The following CAPN8 variants were observed in gnomAD, a reference collection of about 807,000 sequenced individuals.
CAPN8 encodes calpain 8, also known as calpain-8.
In CAPN8, 87 loss-of-function variants were observed where a neutral mutation model predicts 80.9. That is an observed-to-expected ratio of 1.07 (90% CI 0.90 to 1.28). CAPN8 has a LOEUF of 1.28. CAPN8 is among the 50% of genes most tolerant of loss of function. The pLI is 0.00. For missense variants in CAPN8, 757 were observed against 702.0 expected (o/e 1.08, Z -0.89); for synonymous variants, 299 against 273.8 (o/e 1.09, Z -0.91).
chr1:223,623,604 G>A (rs1657468806), intron 6 of CAPN8, among the ~76,000 whole-genome samples: 1 of 152,104 alleles, frequency 6.6e-6, no homozygotes, highest in Non-Finnish European at 1.5e-5. Flanking sequence ...AGGCTGTTAG[G>A]TCCTCATTGT....
At chr1:223,612,146 C>A in intron 11 of CAPN8, 100 bp downstream of exon 11, 2 of 1,043,844 alleles carry the variant, frequency 1.9e-6, no homozygotes, top group Non-Finnish European at 2.5e-6. Context: ...GTGGAACAAC[C>A]AGCTTCTACC....
chr1:223,618,143 G>A, intron 9 of CAPN8: 1 of 1,341,440 alleles, frequency 7.5e-7, no homozygotes, highest in Non-Finnish European at 1.0e-6. Flanking sequence ...CAGCAAACCA[G>A]GCAGGGAACA....
intron 11 of CAPN8, among the ~76,000 whole-genome samples, chr1:223,610,243 T>C (rs1223435535): frequency 6.6e-6 from 1 of 152,190 alleles, no homozygotes; most frequent in East Asian, 1.9e-4. Flanking sequence ...GAGTGGACAG[T>C]GTTCATTCTT....
intron 2 of CAPN8, among the ~76,000 whole-genome samples, chr1:223,634,206 G>A (rs994802063): frequency 2.0e-5 from 3 of 152,136 alleles, no homozygotes; most frequent in Non-Finnish European, 4.4e-5. Flanking sequence ...CTATTGCAGA[G>A]GTTGTGGGGT....
chr1:223,646,977 C>T lies in CAPN8; in HGVS notation c.307+7353G>A, dbSNP rs12031214. ...CCAAACCTCAGGCAGCTCAGCCAAG[C>T]GGGAGCTCAGAGAGCACCCCCTGGC... On this transcript the variant is annotated intron_variant, in intron 2 of 20. Transcript: ENST00000366872. Among the ~76,000 whole-genome samples, 1,047 of 152,276 alleles carry T rather than the reference C, an allele frequency of 6.9e-3. 45 individuals are homozygous for T. The East Asian group carries it at 0.1, about 15-fold the overall frequency.
intron 16 of CAPN8, 117 bp from the exon 17 acceptor site, chr1:223,545,416 G>A (rs1656594765): frequency 1.4e-6 from 2 of 1,472,000 alleles, no homozygotes; most frequent in African/African-American, 1.4e-5. Flanking sequence ...CATGTCTGTG[G>A]CAAGCAGAGC....
In CAPN8 at chr1:223,541,823, C is replaced by T; in HGVS notation, c.*13G>A. 1 of 1,551,400 alleles carries T rather than the reference C, an allele frequency of 6.4e-7. No individual in the cohort carries two copies. Among genetic ancestry groups the T allele is most frequent in the Non-Finnish European group, 8.7e-7 (1 of 1,146,884 alleles). Reference sequence around the variant, plus strand: ...GTGGGGCAGGGAGTGTCACTGATGTCCGAAACCCCGGGTCAGACCAACACG... The same window carrying T: ...GTGGGGCAGGGAGTGTCACTGATGTTCGAAACCCCGGGTCAGACCAACACG... On this transcript the variant is annotated 3_prime_UTR_variant, in exon 21 of 21. Coordinates refer to ENST00000366872, the MANE Select transcript of CAPN8 (RefSeq NM_001143962.2).
At chr1:223,543,911 C>A (rs1425872978) in intron 19 of CAPN8, among the ~76,000 whole-genome samples, 156 bp downstream of exon 19, 3 of 152,236 alleles carry the variant, frequency 2.0e-5, no homozygotes, top group Admixed American at 6.5e-5. Flanking sequence ...AGCTGCCCCT[C>A]GCCCCCAAGG....
Position 223,665,392 on chromosome 1 carries a change from G to T in CAPN8, c.237+18C>A. Reference sequence around the variant, plus strand: ...CCTCCACCTTGTATGTCACTCAACAGCAAGCCCGCTTCCTTACCGTGGGCC... The same window carrying T: ...CCTCCACCTTGTATGTCACTCAACATCAAGCCCGCTTCCTTACCGTGGGCC... On this transcript the variant is annotated intron_variant, in intron 1 of 20. Transcript: ENST00000366872. 1 of 1,544,998 alleles carries T rather than the reference G, an allele frequency of 6.5e-7. No homozygotes were observed. Among genetic ancestry groups the T allele is most frequent in the Non-Finnish European group, 8.8e-7 (1 of 1,141,116 alleles).
chr1:223,553,852 A>G lies in CAPN8; in HGVS notation c.1621T>C (p.Phe541Leu). The G allele has an allele frequency of 2.5e-6, 1 of 398,720 alleles. No individual in the cohort carries two copies. Among genetic ancestry groups the G allele is most frequent in the Non-Finnish European group, 4.4e-6 (1 of 226,136 alleles). 24.7% of individuals were successfully genotyped at this position (398,720 alleles called of 1,614,324 possible). A position where few individuals can be genotyped will look rare whatever the true frequency, so the allele number is the denominator to read the frequency against. ...DQEDDQFRRL[F>L]EKLAGKDSEI... ...CTCACCTTCCCTGCCAACTTCTCAA[A>G]CAGCCTCCTGAACTGGTCATCTTCC... The change falls in exon 14 of 21, where the codon TTT (phenylalanine) becomes CTT (leucine). Residue 541 changes from phenylalanine (F) to leucine (L), a missense_variant. Transcript: ENST00000366872.
intron 15 of CAPN8, among the ~76,000 whole-genome samples, chr1:223,550,334 T>A (rs1284978751): frequency 1.3e-5 from 2 of 152,132 alleles, no homozygotes; most frequent in Non-Finnish European, 2.9e-5. Context: ...TCAAGCCCTG[T>A]CCTGCTGCAG....
At chr1:223,640,263 C>A (rs1048715126) in intron 2 of CAPN8, among the ~76,000 whole-genome samples, 2 of 152,160 alleles carry the variant, frequency 1.3e-5, no homozygotes, top group African/African-American at 2.4e-5. Flanking sequence ...TTAGGGCCTG[C>A]CACATAGAAA....
intron 2 of CAPN8, among the ~76,000 whole-genome samples, chr1:223,640,605 T>G (rs1403942062): frequency 6.6e-6 from 1 of 152,200 alleles, no homozygotes; most frequent in Admixed American, 6.5e-5. Flanking sequence ...ATCGAATTGC[T>G]TCCCAAGTGC....
At position 223,544,775 on chromosome 1, in the gene CAPN8, C is replaced by T; in HGVS notation, c.1909G>A (p.Ala637Thr). 1 of 1,551,694 alleles carries T rather than the reference C, an allele frequency of 6.4e-7. No individual in the cohort carries two copies. Residue 637 changes from alanine (A) to threonine (T), a missense_variant, in exon 18 of 21, where the codon GCA becomes ACA. Coordinates refer to ENST00000366872, the MANE Select transcript of CAPN8 (RefSeq NM_001143962.2). ...AHEMRTALRK[A>T]GFTLNSQVQQ... ...TGTCTACAGGATGTGTCCTCACCTG[C>T]CTTCCTGAGGGCTGTCCTCATCTCG...
intron 7 of CAPN8, among the ~76,000 whole-genome samples, chr1:223,621,809 T>C (rs867510825): frequency 1.3e-5 from 2 of 152,160 alleles, no homozygotes; most frequent in Middle Eastern, 3.4e-3. Flanking sequence ...GGAGGGGGCA[T>C]TATTGTGACC....
In CAPN8 at chr1:223,619,093, C is replaced by T. The variant is rs1396942668; in HGVS notation, c.1135+200G>A. On this transcript the variant is annotated intron_variant, in intron 9 of 20. Coordinates refer to ENST00000366872, the MANE Select transcript of CAPN8 (RefSeq NM_001143962.2). ...CCTGTGGTCCCAGCTACTAAGAAGGCTGAGGTGAGAGGATCACTTGAGCCC... is the reference window on the plus strand; with the variant it reads ...CCTGTGGTCCCAGCTACTAAGAAGGTTGAGGTGAGAGGATCACTTGAGCCC... Among the ~76,000 whole-genome samples the T allele has an allele frequency of 5.3e-5, 8 of 152,250 alleles. No individual in the cohort carries two copies. The East Asian group carries it at 1.5e-3, about 29-fold the overall frequency.
At position 223,556,877 on chromosome 1, in the gene CAPN8, G is replaced by A. The variant is rs983153324; in HGVS notation, c.1572+1254C>T. ...GGGACCCACAGTAAGAGATGCCACCGTGAGCGATAAGTCCTCCTGGGGGCA... is the reference window on the plus strand; with the variant it reads ...GGGACCCACAGTAAGAGATGCCACCATGAGCGATAAGTCCTCCTGGGGGCA... On this transcript the variant is annotated intron_variant, in intron 13 of 20. Coordinates refer to ENST00000366872, the MANE Select transcript of CAPN8 (RefSeq NM_001143962.2). Among the ~76,000 whole-genome samples the A allele has an allele frequency of 1.8e-4, 27 of 152,280 alleles. No individual in the cohort carries two copies. The South Asian group carries it at 3.3e-3, about 19-fold the overall frequency.
intron 2 of CAPN8, among the ~76,000 whole-genome samples, chr1:223,653,702 G>T (rs1658403446): frequency 6.6e-6 from 1 of 152,124 alleles, no homozygotes; most frequent in South Asian, 2.1e-4. Flanking sequence ...TATCGGGAGG[G>T]CTTATGAAAT....
At chr1:223,627,221 G>T (rs1657614838) in intron 4 of CAPN8, 64 bp from the exon 5 acceptor site, 3 of 1,506,508 alleles carry the variant, frequency 2.0e-6, no homozygotes, top group African/African-American at 2.8e-5. Context: ...GGGGATTGGG[G>T]ACCGGGACAG....
Sources: allele counts gnomAD v4.1 joint callset (sites outside exome capture counted in the v4.1 genomes callset), GRCh38; gene constraint gnomAD v4.1.1; transcripts MANE v1.5; gene names NCBI Gene and HGNC (gene_info 2026-07-23, HGNC 2026-07-21).